TMEM144: variants seen among roughly 807,000 people sequenced by gnomAD.
TMEM144 encodes the protein transmembrane protein 144.
In TMEM144, 39 loss-of-function variants were observed where a neutral mutation model predicts 43.6. The observed-to-expected ratio is 0.90, with a 90% CI of 0.69 to 1.17. The LOEUF (loss-of-function observed/expected upper bound fraction) is 1.17, where lower values mean the gene tolerates loss of function less well. Among genes scored for constraint, TMEM144 ranks in the 50% most tolerant of loss-of-function variants. The probability of loss-of-function intolerance (pLI) is 0.00; values close to 1 mark genes in which losing one functional copy is unlikely to be tolerated. For synonymous variants in TMEM144, 154 were observed against 133.6 expected (o/e 1.15, Z -1.06); for missense variants, 417 against 411.9 (o/e 1.01, Z -0.11).
At chr4:158,235,136 T>G (rs1213498746) in intron 7 of TMEM144, 1 of 253,058 alleles carries the variant, frequency 4.0e-6, no homozygotes, top group African/African-American at 2.2e-5. Context: ...TGCAGACCAT[T>G]AAAATATGCA....
chr4:158,212,934 T>G, intron 3 of TMEM144, 158 bp downstream of exon 3: 1 of 672,944 alleles, frequency 1.5e-6, no homozygotes. Context: ...TCATACCAGT[T>G]TGTCTGAAAG....
chr4:158,237,135 A>G (rs1735391642), intron 8 of TMEM144, among the ~76,000 whole-genome samples: 1 of 152,186 alleles, frequency 6.6e-6, no homozygotes, highest in African/African-American at 2.4e-5. Flanking sequence ...GGCCTGTTAA[A>G]ATTTTTAAAA....
At chr4:158,252,739 C>T (rs1333751181) in intron 12 of TMEM144, among the ~76,000 whole-genome samples, 3 of 146,180 alleles carry the variant, frequency 2.1e-5, no homozygotes, top group Non-Finnish European at 3.0e-5. Context: ...ACCCAGGAGG[C>T]GGAGGTTGCA....
At chr4:158,224,284 A>C (rs1217310447) in intron 6 of TMEM144, among the ~76,000 whole-genome samples, 4 of 152,084 alleles carry the variant, frequency 2.6e-5, no homozygotes, top group Non-Finnish European at 4.4e-5. Flanking sequence ...AATTTGTTTA[A>C]GTTCCTTGTA....
chr4:158,222,376 G>A (rs1333511099), intron 6 of TMEM144, among the ~76,000 whole-genome samples: 6 of 152,092 alleles, frequency 3.9e-5, no homozygotes, highest in Non-Finnish European at 5.9e-5. Flanking sequence ...CTTTCTCCCT[G>A]TATTGTGCAT....
At chr4:158,231,694 C>T (rs1437957720) in intron 6 of TMEM144, among the ~76,000 whole-genome samples, 1 of 151,752 alleles carries the variant, frequency 6.6e-6, no homozygotes. Flanking sequence ...GAAGCAAGTG[C>T]AAGTCGTTGT....
chr4:158,248,204 G>A (rs558042841), intron 12 of TMEM144, among the ~76,000 whole-genome samples: 3 of 151,374 alleles, frequency 2.0e-5, no homozygotes, highest in African/African-American at 2.4e-5. Context: ...AAGCCAAGGT[G>A]GCCAGATCAC....
In TMEM144 at chr4:158,244,286, T is replaced by C. The variant is rs1735770471; in HGVS notation, c.901-10T>C. On this transcript the variant is annotated splice_polypyrimidine_tract_variant and intron_variant, in intron 11 of 12. Transcript: ENST00000296529. Reference sequence around the variant, plus strand: ...ATCCAATTTAATTAAAATTTATATTTTTATTTAAGGGTCCAGGATTTATAG... The same window carrying C: ...ATCCAATTTAATTAAAATTTATATTCTTATTTAAGGGTCCAGGATTTATAG... The C allele has an allele frequency of 6.4e-7, 1 of 1,572,572 alleles. No individual in the cohort carries two copies. Among genetic ancestry groups the C allele is most frequent in the Non-Finnish European group, 8.6e-7 (1 of 1,156,586 alleles).
At chr4:158,247,074 G>A in intron 12 of TMEM144, among the ~76,000 whole-genome samples, 1 of 151,976 alleles carries the variant, frequency 6.6e-6, no homozygotes, top group Middle Eastern at 4.0e-3. Context: ...AATATACTAT[G>A]ACCCAATAGG....
intron 6 of TMEM144, 78 bp from the exon 7 acceptor site, chr4:158,232,823 G>GT (rs1220950661): frequency 2.0e-6 from 2 of 990,222 alleles, no homozygotes; most frequent in East Asian, 2.6e-5. Flanking sequence ...TAAGGTGTGT[G>GT]TTTTTTTCTT....
At position 158,212,718 on chromosome 4, in the gene TMEM144, A is replaced by G; in HGVS notation, c.51A>G (p.Val17=). 1 of 1,613,892 alleles carries G rather than the reference A, an allele frequency of 6.2e-7. No homozygotes were observed. The highest frequency in any genetic ancestry group is 8.5e-7 in the Non-Finnish European group (1 of 1,179,874). Residue 17 remains valine (V), a synonymous_variant, in exon 3 of 13, where the codon GTA becomes GTG. Coordinates refer to ENST00000296529, the MANE Select transcript of TMEM144 (RefSeq NM_018342.5). ...CCTTTGGTTACATCTCCTGTTTTGT[A>G]GCTATCCTTTTGTTTGGCTCAAATT... is the stretch of plus-strand genomic sequence containing the variant. ...DLTFGYISCF[V]AILLFGSNFV...
At chr4:158,215,436 A>G (rs943912569) in intron 4 of TMEM144, 123 bp downstream of exon 4, 2 of 1,191,152 alleles carry the variant, frequency 1.7e-6, no homozygotes, top group African/African-American at 3.1e-5. Context: ...AGATACTAGA[A>G]ATTAACTAGT....
chr4:158,211,326 A>C (rs541303827), intron 1 of TMEM144, 127 bp from the exon 2 acceptor site: 9 of 152,046 alleles, frequency 5.9e-5, no homozygotes, highest in Non-Finnish European at 1.0e-4. Flanking sequence ...ATAATTTGCC[A>C]CTCTTGAAGG....
chr4:158,225,108 G>C (rs556231638), intron 6 of TMEM144, among the ~76,000 whole-genome samples: 1 of 152,298 alleles, frequency 6.6e-6, no homozygotes, highest in South Asian at 2.1e-4. Flanking sequence ...GGGACTTTAT[G>C]TTTAGGTTTT....
chr4:158,212,660 C>G lies in TMEM144; in HGVS notation c.-8C>G. On this transcript the variant is annotated 5_prime_UTR_variant, in exon 3 of 13. Transcript: ENST00000296529. ...AAGTGAACCAGCTAACTCATTAAGA[C>G]TGGAATCATGAGCAACAATGGAGCA... 3.1e-6 allele frequency: 5 copies of G among 1,602,200 alleles called. No homozygotes were observed. The highest frequency in any genetic ancestry group is 4.3e-6 in the Non-Finnish European group (5 of 1,173,542).
intron 6 of TMEM144, among the ~76,000 whole-genome samples, chr4:158,222,043 A>AT (rs1188932931): frequency 2.0e-5 from 3 of 151,976 alleles, no homozygotes; most frequent in Non-Finnish European, 4.4e-5. Flanking sequence ...TGTCATCTTT[A>AT]TTTTTTTCCC....
At chr4:158,223,019 C>G (rs1734582886) in intron 6 of TMEM144, among the ~76,000 whole-genome samples, 2 of 152,194 alleles carry the variant, frequency 1.3e-5, no homozygotes, top group Admixed American at 6.5e-5. Flanking sequence ...TGTTCATATA[C>G]ATAAAATAAA....
chr4:158,235,663 T>A, intron 8 of TMEM144, 158 bp downstream of exon 8: 1 of 598,416 alleles, frequency 1.7e-6, no homozygotes, highest in Non-Finnish European at 2.7e-6. Flanking sequence ...TGTCCCCAGC[T>A]GAATTTTAGG....
At chr4:158,238,808 A>G (rs1232076253) in intron 9 of TMEM144, among the ~76,000 whole-genome samples, 1 of 152,186 alleles carries the variant, frequency 6.6e-6, no homozygotes, top group African/African-American at 2.4e-5. Flanking sequence ...GTACAGGGAC[A>G]TAATAAACAG....
Sources: gnomAD v4.1 joint callset for allele counts (sites outside exome capture counted in the v4.1 genomes callset) on GRCh38, gnomAD v4.1.1 for gene constraint, MANE v1.5 for transcripts, NCBI Gene and HGNC (gene_info 2026-07-23, HGNC 2026-07-21) for gene names.